The following SMAP1 variants were observed in gnomAD, a reference collection of about 807,000 sequenced individuals.
SMAP1 encodes the protein stromal membrane-associated protein 1.
A neutral mutation model predicts 58.5 loss-of-function variants in SMAP1; 24 were observed. The ratio of observed to expected loss-of-function variants is 0.41; its 90% CI spans 0.30 to 0.58. SMAP1 has a LOEUF of 0.58. SMAP1 is among the 20% of genes least tolerant of loss of function. The pLI, the probability that SMAP1 is intolerant of heterozygous loss-of-function variation, is 0.29. For missense variants in SMAP1, 563 were observed against 566.3 expected (o/e 0.99, Z 0.06); for synonymous variants, 216 against 196.6 (o/e 1.10, Z -0.82).
chr6:70,670,087 C>T (rs866007965), intron 1 of SMAP1, among the ~76,000 whole-genome samples: 3 of 151,890 alleles, frequency 2.0e-5, no homozygotes, highest in African/African-American at 7.3e-5. Flanking sequence ...TGTATTGCCA[C>T]GGAAATCAGT....
chr6:70,765,570 A>G (rs977892090), intron 3 of SMAP1, among the ~76,000 whole-genome samples: 1 of 152,156 alleles, frequency 6.6e-6, no homozygotes, highest in Non-Finnish European at 1.5e-5. Context: ...GTAAAGCAAA[A>G]ATTGTATTGA....
chr6:70,668,420 G>A, intron 1 of SMAP1: 1 of 1,142,242 alleles, frequency 8.8e-7, no homozygotes, highest in Non-Finnish European at 1.2e-6. Context: ...AGCGATGCTC[G>A]GACCCTCCAC....
chr6:70,771,384 T>C (rs1422177134), intron 3 of SMAP1, among the ~76,000 whole-genome samples: 2 of 152,218 alleles, frequency 1.3e-5, no homozygotes, highest in Admixed American at 6.5e-5. Flanking sequence ...CAGGCCTCCT[T>C]GAGCTGTGGT....
intron 3 of SMAP1, among the ~76,000 whole-genome samples, chr6:70,764,029 C>T (rs1004402473): frequency 6.6e-6 from 1 of 152,082 alleles, no homozygotes; most frequent in Admixed American, 6.6e-5. Context: ...CGTTCTGCCT[C>T]AGCCTCCTGA....
chr6:70,791,108 G>A (rs1768331430), intron 4 of SMAP1, among the ~76,000 whole-genome samples: 2 of 152,138 alleles, frequency 1.3e-5, no homozygotes, highest in Non-Finnish European at 2.9e-5. Flanking sequence ...TCTTAATGAA[G>A]CATATAAATT....
intron 6 of SMAP1, among the ~76,000 whole-genome samples, chr6:70,827,255 A>G (rs1261474515): frequency 1.3e-5 from 2 of 152,232 alleles, no homozygotes; most frequent in Non-Finnish European, 2.9e-5. Context: ...CAAGCAATAA[A>G]GATTAGTTAA....
chr6:70,788,470 A>G (rs981069851), intron 4 of SMAP1, among the ~76,000 whole-genome samples: 1 of 152,064 alleles, frequency 6.6e-6, no homozygotes, highest in Non-Finnish European at 1.5e-5. Context: ...AAAAAATAAA[A>G]TAAAAAAAAA....
rs747368846 is a variant in SMAP1, at chr6:70,856,865, C to T, written c.796C>T (p.Pro266Ser). 2.5e-5 allele frequency: 41 copies of T among 1,610,736 alleles called. No individual in the cohort carries two copies. The highest frequency in any genetic ancestry group is 3.3e-5 in the Non-Finnish European group (39 of 1,178,172). ...ATTTTGGTGTTTGTCTCAGGGGACA[C>T]CCTCTGCACCAGCAGCTGCAACCCT... Reference protein sequence around the residue: ...ATVMPPAQGTPSAPAAATLST... With the variant: ...ATVMPPAQGTSSAPAAATLST... The change falls in exon 9 of 11, where the codon CCC becomes TCC. Residue 266 changes from proline to serine, a missense_variant. Transcript: ENST00000370455.
At position 70,692,038 on chromosome 6, in the gene SMAP1, A is replaced by G. The variant is rs924294374; in HGVS notation, c.118+23897A>G. Among the ~76,000 whole-genome samples, 3 of 152,122 alleles carry G rather than the reference A, an allele frequency of 2.0e-5. No individual in the cohort carries two copies. In the South Asian group the frequency reaches 6.2e-4, roughly 31 times the overall value. On this transcript the variant is annotated intron_variant, in intron 1 of 10. Coordinates refer to ENST00000370455, the MANE Select transcript of SMAP1 (RefSeq NM_001044305.3). ...TTTGGTTTTTTTGAGGAATCTCCGT[A>G]CTGTTCTTCATAGTGGCTGCACTAA...
intron 4 of SMAP1, among the ~76,000 whole-genome samples, chr6:70,778,986 G>A (rs900413073): frequency 6.6e-6 from 1 of 152,222 alleles, no homozygotes; most frequent in African/African-American, 2.4e-5. Flanking sequence ...TCAGGTCCCT[G>A]GGCAGCATGT....
In SMAP1 at chr6:70,726,479, G is replaced by T. The variant is rs143605617; in HGVS notation, c.119-5899G>T. Among the ~76,000 whole-genome samples, 583 of 152,290 alleles carry T rather than the reference G, an allele frequency of 3.8e-3. 2 individuals carry two copies. Among genetic ancestry groups the T allele is most frequent in the Middle Eastern group, 0.014 (4 of 294 alleles). Reference sequence around the variant, plus strand: ...ATTTTAAAAGTGCTCTTGGGGCATTGGAGAAGGCTTTATAGAATAAGTCTT... The same window carrying T: ...ATTTTAAAAGTGCTCTTGGGGCATTTGAGAAGGCTTTATAGAATAAGTCTT... On this transcript the variant is annotated intron_variant, in intron 1 of 10. Transcript: ENST00000370455.
chr6:70,784,325 C>A (rs928369932), intron 4 of SMAP1, among the ~76,000 whole-genome samples: 14 of 152,042 alleles, frequency 9.2e-5, no homozygotes, highest in South Asian at 6.2e-4. Context: ...AAAGGAACAA[C>A]CGGTACCAGC....
chr6:70,828,098 A>G (rs1460262930), intron 6 of SMAP1, among the ~76,000 whole-genome samples: 1 of 152,182 alleles, frequency 6.6e-6, no homozygotes, highest in African/African-American at 2.4e-5. Flanking sequence ...AAAGCATACA[A>G]ATACAAACAG....
intron 5 of SMAP1, among the ~76,000 whole-genome samples, chr6:70,793,025 A>AATTTT (rs549181598): frequency 3.3e-5 from 5 of 151,750 alleles, no homozygotes; most frequent in African/African-American, 4.8e-5. Flanking sequence ...GTAATTTTTA[A>AATTTT]ATTTTATTTT....
At chr6:70,858,831 A>G (rs1340174957) in intron 10 of SMAP1, 2 of 152,856 alleles carry the variant, frequency 1.3e-5, no homozygotes, top group African/African-American at 4.8e-5. Flanking sequence ...ATGTTTAAAA[A>G]GAGTACAAAA....
intron 3 of SMAP1, among the ~76,000 whole-genome samples, chr6:70,769,496 C>A (rs371624584): frequency 4.6e-5 from 7 of 151,312 alleles, no homozygotes; most frequent in Admixed American, 6.6e-5. Context: ...GATCCCTTTA[C>A]CATTATGTAA....
chr6:70,773,883 T>C (rs1391510364), intron 4 of SMAP1, among the ~76,000 whole-genome samples: 3 of 152,220 alleles, frequency 2.0e-5, no homozygotes, highest in East Asian at 1.9e-4. Flanking sequence ...ATACTCCTAA[T>C]AGTTAAGTCT....
At chr6:70,806,304 C>T (rs949761877) in intron 6 of SMAP1, among the ~76,000 whole-genome samples, 12 of 152,234 alleles carry the variant, frequency 7.9e-5, no homozygotes, top group African/African-American at 2.9e-4. Context: ...GAGCGTGGGA[C>T]CTGCCAAGCC....
intron 1 of SMAP1, among the ~76,000 whole-genome samples, chr6:70,731,381 G>C (rs930419699): frequency 6.6e-6 from 1 of 152,118 alleles, no homozygotes; most frequent in Non-Finnish European, 1.5e-5. Context: ...GTGTTTTTCA[G>C]AACTTTTTGA....
Sources: allele counts gnomAD v4.1 joint callset (sites outside exome capture counted in the v4.1 genomes callset), GRCh38; gene constraint gnomAD v4.1.1; transcripts MANE v1.5; gene names NCBI Gene and HGNC (gene_info 2026-07-23, HGNC 2026-07-21).